Variants in SLFN12L observed in about 807,000 individuals in gnomAD.
The protein encoded by SLFN12L is schlafen family member 12-like.
In SLFN12L, 34 loss-of-function variants were observed where a neutral mutation model predicts 34.8. That is an observed-to-expected ratio of 0.98 (90% CI 0.74 to 1.30). The LOEUF is 1.30. SLFN12L is among the 50% of genes most tolerant of loss of function. The pLI is 0.00. For synonymous variants in SLFN12L, 259 were observed against 247.5 expected (o/e 1.05, Z -0.44); for missense variants, 703 against 696.2 (o/e 1.01, Z -0.11).
chr17:35,495,167 T>C (rs558883875), intron 2 of SLFN12L, among the ~76,000 whole-genome samples: 4 of 152,150 alleles, frequency 2.6e-5, no homozygotes, highest in Non-Finnish European at 5.9e-5. Flanking sequence ...CCCAAAGTGA[T>C]GGGATTATAG....
chr17:35,529,172 G>A (rs77401233), intron 1 of SLFN12L, among the ~76,000 whole-genome samples: 1 of 152,122 alleles, frequency 6.6e-6, no homozygotes. Context: ...TTAGAATGGC[G>A]ATCATTAAAA....
intron 2 of SLFN12L, among the ~76,000 whole-genome samples, chr17:35,492,354 G>A (rs1287527143): frequency 1.3e-5 from 2 of 152,200 alleles, no homozygotes; most frequent in Non-Finnish European, 2.9e-5. Context: ...GGAGCAGCAG[G>A]CATGGGTCCC....
chr17:35,480,661 G>T (rs533441497), intron 2 of SLFN12L: 2 of 152,540 alleles, frequency 1.3e-5, no homozygotes, highest in African/African-American at 4.8e-5. Context: ...AAAACTGCCA[G>T]ATAGGGTCTA....
intron 1 of SLFN12L, among the ~76,000 whole-genome samples, chr17:35,530,250 G>A (rs1322478354): frequency 1.3e-5 from 2 of 148,908 alleles, no homozygotes; most frequent in African/African-American, 5.0e-5. Context: ...GGGAGGCTGA[G>A]GCAGGAGAAT....
chr17:35,499,427 A>G (rs560026685), intron 2 of SLFN12L, among the ~76,000 whole-genome samples: 1 of 152,380 alleles, frequency 6.6e-6, no homozygotes, highest in East Asian at 1.9e-4. Flanking sequence ...TGAAATGTGG[A>G]TAACAACCCT....
At chr17:35,512,707 T>G (rs576996331) in intron 2 of SLFN12L, among the ~76,000 whole-genome samples, 23 of 152,212 alleles carry the variant, frequency 1.5e-4, no homozygotes, top group Admixed American at 1.4e-3. Flanking sequence ...AAAGGTAGTG[T>G]GTAATTTTAA....
Position 35,491,033 on chromosome 17 carries a change from C to T in SLFN12L, c.87-10838G>A, listed in dbSNP as rs998238242. The T allele has an allele frequency of 5.1e-6, 4 of 787,540 alleles. No homozygotes were observed. The African/African-American group carries it at 6.8e-5, about 13-fold the overall frequency. 48.8% of individuals were successfully genotyped at this position (787,540 alleles called of 1,614,324 possible). ...TCCGGCCTCCCCAGCCAACCTCTTA[C>T]AGCAGACTGCGGACCAAATTCCTTC... On this transcript the variant is annotated intron_variant, in intron 2 of 4. Coordinates refer to ENST00000628453, the MANE Select transcript of SLFN12L (RefSeq NM_001363830.2).
chr17:35,496,098 G>A (rs1364412933), intron 2 of SLFN12L, among the ~76,000 whole-genome samples: 2 of 152,158 alleles, frequency 1.3e-5, no homozygotes, highest in African/African-American at 2.4e-5. Context: ...CAGCAAGCAG[G>A]AGAGCAGCCC....
intron 2 of SLFN12L, among the ~76,000 whole-genome samples, chr17:35,495,452 A>C (rs1437985614): frequency 3.9e-5 from 6 of 152,222 alleles, no homozygotes; most frequent in Non-Finnish European, 7.3e-5. Flanking sequence ...TTTTACAGTA[A>C]CATATAAAGC....
rs1916042953 is a variant in SLFN12L at position 35,522,965 on chromosome 17, T to C, written c.-601A>G. ...CCAGAGTACATCGCAAATATCCTGG[T>C]AGCACTAGATGTGAAAAGAATGAGA... On this transcript the variant is annotated 5_prime_UTR_variant, in exon 2 of 5. Coordinates refer to ENST00000628453, the MANE Select transcript of SLFN12L (RefSeq NM_001363830.2). 1 of 517,212 alleles carries C rather than the reference T, an allele frequency of 1.9e-6. No homozygotes were observed. The highest frequency in any genetic ancestry group is 3.4e-5 in the South Asian group (1 of 29,494). 32.0% of individuals were successfully genotyped at this position (517,212 alleles called of 1,614,324 possible).
intron 2 of SLFN12L, 24 bp from the exon 3 acceptor site, chr17:35,480,219 A>T (rs748301717): frequency 1.9e-5 from 29 of 1,518,620 alleles, no homozygotes; most frequent in Admixed American, 4.5e-5. Flanking sequence ...CCGTTAGAAT[A>T]GGAGTTAAGC....
chr17:35,500,236 C>T (rs1432684588), intron 2 of SLFN12L: 1 of 151,934 alleles, frequency 6.6e-6, no homozygotes, highest in Non-Finnish European at 1.5e-5. Context: ...CAAGGATTTC[C>T]TTATGATGAG....
rs35563348 is a variant in SLFN12L at position 35,472,369 on chromosome 17, G to A, written c.*2554C>T. Among the ~76,000 whole-genome samples, 23,095 of 152,122 alleles carry A rather than the reference G, an allele frequency of 0.15. 1,913 individuals carry two copies. The highest frequency in any genetic ancestry group is 0.26 in the Middle Eastern group (75 of 294). ...TGCATATGGCTAGCCAGTTCTCCCAGCACCATTTATTGAATAGAAGATCCT... is the reference window on the plus strand; with the variant it reads ...TGCATATGGCTAGCCAGTTCTCCCAACACCATTTATTGAATAGAAGATCCT... On this transcript the variant is annotated 3_prime_UTR_variant, in exon 5 of 5. Transcript: ENST00000628453.
At chr17:35,481,826 T>G (rs9915156) in intron 2 of SLFN12L, among the ~76,000 whole-genome samples, 1 of 152,118 alleles carries the variant, frequency 6.6e-6, no homozygotes, top group Non-Finnish European at 1.5e-5. Flanking sequence ...ATAATATTGG[T>G]TTTTTTGTTT....
At chr17:35,505,582 C>T (rs1469040519) in intron 2 of SLFN12L, among the ~76,000 whole-genome samples, 3 of 152,208 alleles carry the variant, frequency 2.0e-5, no homozygotes, top group Non-Finnish European at 4.4e-5. Flanking sequence ...TTTTGCAACA[C>T]CCTAAACCCT....
intron 1 of SLFN12L, among the ~76,000 whole-genome samples, chr17:35,523,554 TC>T (rs975206829): frequency 2.0e-5 from 3 of 152,016 alleles, no homozygotes; most frequent in South Asian, 2.1e-4. Flanking sequence ...AATCTGAGGC[TC>T]CCCCCCATTA....
In SLFN12L at chr17:35,466,760, C is replaced by A. The variant is rs1432629825; in HGVS notation, c.*8163G>T. ...TGCATTGATTCCTTTACTGAAGAGACTTTAACAAGCTCTACTCATGCCTCC... is the reference window on the plus strand; with the variant it reads ...TGCATTGATTCCTTTACTGAAGAGAATTTAACAAGCTCTACTCATGCCTCC... On this transcript the variant is annotated 3_prime_UTR_variant, in exon 5 of 5. Transcript: ENST00000628453. 6.6e-6 allele frequency among the ~76,000 whole-genome samples: 1 copy of A among 152,144 alleles called. No individual in the cohort carries two copies. Among genetic ancestry groups the A allele is most frequent in the Non-Finnish European group, 1.5e-5 (1 of 68,036 alleles).
intron 2 of SLFN12L, among the ~76,000 whole-genome samples, chr17:35,493,001 G>A (rs886588319): frequency 7.9e-5 from 12 of 151,524 alleles, no homozygotes; most frequent in Admixed American, 2.0e-4. Context: ...AACCACAAGA[G>A]CCTCAGCCAG....
intron 1 of SLFN12L, among the ~76,000 whole-genome samples, chr17:35,531,516 G>A (rs955969047): frequency 1.3e-5 from 2 of 152,122 alleles, no homozygotes; most frequent in African/African-American, 2.4e-5. Flanking sequence ...AAGTTTTAAT[G>A]TTTATTCCTA....
Sources: allele counts gnomAD v4.1 joint callset (sites outside exome capture counted in the v4.1 genomes callset), GRCh38; gene constraint gnomAD v4.1.1; transcripts MANE v1.5; gene names NCBI Gene and HGNC (gene_info 2026-07-23, HGNC 2026-07-21).